FTO: variants seen among roughly 807,000 people sequenced by gnomAD.
FTO encodes FTO alpha-ketoglutarate dependent dioxygenase.
In FTO, 47 loss-of-function variants were observed where a neutral mutation model predicts 63.9. That is an observed-to-expected ratio of 0.74 (90% CI 0.58 to 0.94). The LOEUF is 0.94. Among genes scored for constraint, FTO ranks in the 40% least tolerant of loss-of-function variants. FTO has a pLI of 0.00. For missense variants in FTO, 562 were observed against 618.1 expected, an observed-to-expected ratio of 0.91 and a Z score of 0.96; for synonymous variants, 207 against 224.4, an observed-to-expected ratio of 0.92 and a Z score of 0.69.
rs1210046954 is a variant in FTO at position 54,117,219 on chromosome 16, G to C, written c.*5304G>C. On this transcript the variant is annotated 3_prime_UTR_variant, in exon 9 of 9. Coordinates refer to ENST00000471389, the MANE Select transcript of FTO (RefSeq NM_001080432.3). ...AGAATAGTAGTAATCCATCACCTAA[G>C]GTTGTTGTGAAGGTTCAATAAGTTA... 1.3e-5 allele frequency: 2 copies of C among 152,118 alleles called. No individual in the cohort carries two copies. Among genetic ancestry groups the C allele is most frequent in the Non-Finnish European group, 2.9e-5 (2 of 68,040 alleles). 9.4% of individuals were successfully genotyped at this position (152,118 alleles called of 1,614,324 possible). A position where few individuals can be genotyped will look rare whatever the true frequency, so the allele number is the denominator to read the frequency against.
At chr16:53,804,568 T>C (rs1016528241) in intron 1 of FTO, among the ~76,000 whole-genome samples, 2 of 152,094 alleles carry the variant, frequency 1.3e-5, no homozygotes, top group African/African-American at 4.8e-5. Context: ...TTTCTTCTTA[T>C]CTAAAGCAAA....
At chr16:53,797,026 G>C (rs1031308088) in intron 1 of FTO, among the ~76,000 whole-genome samples, 6 of 152,088 alleles carry the variant, frequency 3.9e-5, no homozygotes, top group African/African-American at 1.4e-4. Context: ...TGCATAAATG[G>C]AATCAATCAA....
In FTO at chr16:54,000,756, G is replaced by T. The variant is rs143803499; in HGVS notation, c.1364+66647G>T. ...GACAACACGATATGATTAAAGCACG[G>T]TAATAATCACCCATATATTGCATTT... On this transcript the variant is annotated intron_variant, in intron 8 of 8. Transcript: ENST00000471389. Among the ~76,000 whole-genome samples the T allele has an allele frequency of 6.2e-4, 94 of 152,294 alleles. No homozygotes were observed. The East Asian group carries it at 0.017, about 28-fold the overall frequency.
intron 1 of FTO, among the ~76,000 whole-genome samples, chr16:53,768,408 C>T (rs1319672741): frequency 4.6e-5 from 7 of 152,138 alleles, no homozygotes; most frequent in Admixed American, 4.6e-4. Flanking sequence ...TCATTTGATT[C>T]GGAAACATGA....
At position 54,046,062 on chromosome 16, in the gene FTO, C is replaced by G. The variant is rs1203781048; in HGVS notation, c.1365-65700C>G. ...TGAAAACTGGCACAAGACAGGGATG[C>G]CCTCTCTCACCGCTCCTATTCAACA... On this transcript the variant is annotated intron_variant, in intron 8 of 8. Coordinates refer to ENST00000471389, the MANE Select transcript of FTO (RefSeq NM_001080432.3). Among the ~76,000 whole-genome samples the G allele has an allele frequency of 2.4e-3, 199 of 83,530 alleles. 31 individuals carry two copies. Among genetic ancestry groups the G allele is most frequent in the Admixed American group, 5.7e-3 (44 of 7,726 alleles). The allele number at this position is 83,530 out of a possible 152,430, so 54.8% of individuals were successfully genotyped here.
chr16:54,020,363 C>A (rs1290181127), intron 8 of FTO, among the ~76,000 whole-genome samples: 1 of 152,142 alleles, frequency 6.6e-6, no homozygotes, highest in Non-Finnish European at 1.5e-5. Context: ...TCCTATACAC[C>A]ATGAAGACAT....
chr16:54,006,489 T>C (rs186075051), intron 8 of FTO, among the ~76,000 whole-genome samples: 29 of 152,332 alleles, frequency 1.9e-4, no homozygotes, highest in Admixed American at 1.6e-3. Context: ...CCTTAAGATA[T>C]TTTATGAATC....
chr16:53,840,638 A>T (rs189907797), intron 3 of FTO, among the ~76,000 whole-genome samples: 3 of 152,298 alleles, frequency 2.0e-5, no homozygotes, highest in Admixed American at 2.0e-4. Context: ...ACTGTGTTCT[A>T]GTTAAACTTT....
intron 3 of FTO, among the ~76,000 whole-genome samples, chr16:53,833,884 A>G (rs1205364531): frequency 6.6e-6 from 1 of 152,092 alleles, no homozygotes; most frequent in Non-Finnish European, 1.5e-5. Context: ...CTTTGGAGAC[A>G]TGTCTATTCA....
intron 8 of FTO, among the ~76,000 whole-genome samples, chr16:53,995,356 G>A (rs2083910104): frequency 6.6e-6 from 1 of 152,220 alleles, no homozygotes. Context: ...AAGCAATTAA[G>A]TGAGGGAAAG....
At chr16:53,922,345 G>T (rs999282420) in intron 7 of FTO, among the ~76,000 whole-genome samples, 1 of 152,118 alleles carries the variant, frequency 6.6e-6, no homozygotes, top group African/African-American at 2.4e-5. Context: ...GCTGTAAATG[G>T]GTTGTTAGCT....
At chr16:53,972,137 CAAATATTTATCCTGTGCTGA>C (rs2143738514) in intron 8 of FTO, among the ~76,000 whole-genome samples, 1 of 152,224 alleles carries the variant, frequency 6.6e-6, no homozygotes, top group South Asian at 2.1e-4. Flanking sequence ...ACAACTACAA[CAAATATTTATCCTGTGCTGA>C]AATGCTCTTT....
At chr16:53,800,848 A>G (rs9922002) in intron 1 of FTO, among the ~76,000 whole-genome samples, 14,495 of 147,538 alleles carry the variant, frequency 0.098, 2,291 homozygotes, top group African/African-American at 0.33. Flanking sequence ...CTTCTTTACA[A>G]ATCTTTTTTT....
At chr16:54,075,033 G>A (rs2085960782) in intron 8 of FTO, among the ~76,000 whole-genome samples, 1 of 152,062 alleles carries the variant, frequency 6.6e-6, no homozygotes, top group Non-Finnish European at 1.5e-5. Flanking sequence ...GATAATGAAT[G>A]AGGTAGCAGT....
chr16:53,890,215 A>G (rs1052366726), intron 7 of FTO, among the ~76,000 whole-genome samples: 14 of 152,206 alleles, frequency 9.2e-5, no homozygotes, highest in African/African-American at 2.9e-4. Flanking sequence ...AATCTGCAAA[A>G]ATGGATAGCT....
At chr16:53,972,447 T>G (rs1446397231) in intron 8 of FTO, among the ~76,000 whole-genome samples, 3 of 152,206 alleles carry the variant, frequency 2.0e-5, no homozygotes, top group Non-Finnish European at 4.4e-5. Context: ...CAACTCAGAA[T>G]GGTGGCATGG....
intron 8 of FTO, among the ~76,000 whole-genome samples, chr16:53,951,627 C>A (rs9926031): frequency 0.027 from 4,130 of 152,172 alleles, 186 homozygotes; most frequent in African/African-American, 0.096. Flanking sequence ...GAAATTCACT[C>A]TCAGCAATTT....
chr16:53,879,979 C>A lies in FTO; in HGVS notation c.1111C>A (p.His371Asn). The A allele has an allele frequency of 1.2e-6, 2 of 1,607,982 alleles. No homozygotes were observed. The highest frequency in any genetic ancestry group is 1.1e-5 in the South Asian group (1 of 90,918). The part of the protein sequence containing the change: ...PAVLKQGEEI[H>N]NEVEFEWLRQ... ...AGTTTTGAAACAAGGAGAAGAAATT[C>A]ATAATGAGGTAAGGACTTTCTTTTT... The change falls in exon 6 of 9, where the codon CAT becomes AAT. Residue 371 changes from histidine (H) to asparagine (N), a missense_variant. Transcript: ENST00000471389.
intron 7 of FTO, among the ~76,000 whole-genome samples, chr16:53,907,455 G>A (rs1315240326): frequency 1.3e-5 from 2 of 152,228 alleles, no homozygotes; most frequent in African/African-American, 4.8e-5. Flanking sequence ...CATCGTGAGA[G>A]AGTATGGGAC....
Sources: gnomAD v4.1 joint callset for allele counts (sites outside exome capture counted in the v4.1 genomes callset) on GRCh38, gnomAD v4.1.1 for gene constraint, MANE v1.5 for transcripts, NCBI Gene and HGNC (gene_info 2026-07-23, HGNC 2026-07-21) for gene names.